DNAAF5: variants seen among roughly 807,000 people sequenced by gnomAD.
DNAAF5 encodes the protein dynein axonemal assembly factor 5, also known as HEAT repeat containing 2.
A neutral mutation model predicts 75.8 loss-of-function variants in DNAAF5; 64 were observed. The ratio of observed to expected loss-of-function variants is 0.84; its 90% CI spans 0.69 to 1.04. The LOEUF is 1.04. Ranked by LOEUF, DNAAF5 falls within the 50% of genes least tolerant of loss-of-function variation. DNAAF5 has a pLI of 0.00. For missense variants in DNAAF5, 1,269 were observed against 1,178.5 expected, an observed-to-expected ratio of 1.08 and a Z score of -1.12; for synonymous variants, 657 against 557.2, an observed-to-expected ratio of 1.18 and a Z score of -2.52.
chr7:766,579 T>C (rs944608051), intron 8 of DNAAF5, among the ~76,000 whole-genome samples: 1 of 152,206 alleles, frequency 6.6e-6, no homozygotes, highest in Non-Finnish European at 1.5e-5. Flanking sequence ...AGGATGACAG[T>C]GTGAGATCTT....
At chr7:776,438 A>C (rs1314078464) in intron 11 of DNAAF5, among the ~76,000 whole-genome samples, 5 of 152,240 alleles carry the variant, frequency 3.3e-5, no homozygotes, top group African/African-American at 9.6e-5. Flanking sequence ...ATTAAACGGC[A>C]CAGCAAGAAG....
intron 4 of DNAAF5, among the ~76,000 whole-genome samples, chr7:742,313 C>T (rs1421251055): frequency 6.6e-6 from 1 of 152,162 alleles, no homozygotes; most frequent in Non-Finnish European, 1.5e-5. Flanking sequence ...CAGCCCAAAT[C>T]AGATGCCCAG....
At chr7:734,066 A>G (rs1385809410) in intron 2 of DNAAF5, among the ~76,000 whole-genome samples, 1 of 152,170 alleles carries the variant, frequency 6.6e-6, no homozygotes, top group Admixed American at 6.5e-5. Context: ...AAGAATAATT[A>G]TCTTCCTTTT....
At chr7:732,238 T>G (rs1781608277) in intron 2 of DNAAF5, among the ~76,000 whole-genome samples, 1 of 152,220 alleles carries the variant, frequency 6.6e-6, no homozygotes, top group Non-Finnish European at 1.5e-5. Context: ...CGGCAGGGGC[T>G]AATGCATCTC....
chr7:771,890 A>G (rs1745074430), intron 9 of DNAAF5: 1 of 152,260 alleles, frequency 6.6e-6, no homozygotes, highest in Admixed American at 6.5e-5. Context: ...GTTGGCGTCA[A>G]GAGAAGTAAA....
intron 4 of DNAAF5, among the ~76,000 whole-genome samples, chr7:742,170 G>A (rs1781931239): frequency 6.6e-6 from 1 of 152,192 alleles, no homozygotes; most frequent in Admixed American, 6.5e-5. Flanking sequence ...GCGGGGCTGA[G>A]TGTCTTCCAC....
intron 4 of DNAAF5, among the ~76,000 whole-genome samples, chr7:743,828 T>A (rs1214902757): frequency 2.0e-5 from 3 of 151,344 alleles, no homozygotes; most frequent in Non-Finnish European, 4.4e-5. Context: ...ATTTTTAGTT[T>A]ATATTTATTT....
rs4725241 is a variant in DNAAF5, at chr7:757,246, C to T, written c.1470+252C>T. On this transcript the variant is annotated intron_variant, in intron 6 of 12. Coordinates refer to ENST00000297440, the MANE Select transcript of DNAAF5 (RefSeq NM_017802.4). Reference sequence around the variant, plus strand: ...CCTGGGCTGTGCAGAGCTCCAGCCCCAGCCCCAGCCCCAGCTGCAGGCGGC... The same window carrying T: ...CCTGGGCTGTGCAGAGCTCCAGCCCTAGCCCCAGCCCCAGCTGCAGGCGGC... Among the ~76,000 whole-genome samples, 120,640 of 152,228 alleles carry T rather than the reference C, an allele frequency of 0.79. 47,972 individuals are homozygous for T. The highest frequency in any genetic ancestry group is 0.86 in the South Asian group (4,142 of 4,828).
chr7:784,033 AC>A (rs1562405779), intron 12 of DNAAF5, among the ~76,000 whole-genome samples: 47 of 101,486 alleles, frequency 4.6e-4, no homozygotes, highest in Admixed American at 1.6e-3. Context: ...CACCTCCCCC[AC>A]CTCCCCCACC....
At chr7:770,933 G>A (rs1460482402) in intron 9 of DNAAF5, 6 of 235,704 alleles carry the variant, frequency 2.5e-5, no homozygotes, top group Non-Finnish European at 4.9e-5. Context: ...AACTGGCCTG[G>A]AAGCAGCTAG....
chr7:757,504 C>G (rs1435733673), intron 6 of DNAAF5, among the ~76,000 whole-genome samples: 1 of 152,264 alleles, frequency 6.6e-6, no homozygotes, highest in Admixed American at 6.5e-5. Context: ...ACAGCCTGTT[C>G]CCCATCAGCC....
chr7:744,167 C>T (rs1256851758), intron 4 of DNAAF5, among the ~76,000 whole-genome samples: 1 of 152,064 alleles, frequency 6.6e-6, no homozygotes, highest in Non-Finnish European at 1.5e-5. Flanking sequence ...TCAATTCCCA[C>T]CTATGAGTGA....
At chr7:744,313 C>T (rs1405028660) in intron 4 of DNAAF5, among the ~76,000 whole-genome samples, 2 of 152,244 alleles carry the variant, frequency 1.3e-5, no homozygotes, top group African/African-American at 4.8e-5. Flanking sequence ...TGTATATGTA[C>T]CACGTTTTCT....
In DNAAF5 at chr7:740,957, C is replaced by T. The variant is rs559335413; in HGVS notation, c.905+14C>T. The T allele has an allele frequency of 2.4e-5, 39 of 1,610,778 alleles. No homozygotes were observed. The highest frequency in any genetic ancestry group is 2.1e-4 in the African/African-American group (16 of 75,048). On this transcript the variant is annotated intron_variant, in intron 3 of 12. Coordinates refer to ENST00000297440, the MANE Select transcript of DNAAF5 (RefSeq NM_017802.4). ...GCCTGAGGTCAGGTACGTGGGCAGGCGGCCGCGGGCCTTGTCTTCCTAAAC... is the reference window on the plus strand; with the variant it reads ...GCCTGAGGTCAGGTACGTGGGCAGGTGGCCGCGGGCCTTGTCTTCCTAAAC...
At position 770,618 on chromosome 7, in the gene DNAAF5, G is replaced by A. The variant is rs1474459920; in HGVS notation, c.1931G>A (p.Gly644Glu). 4 of 1,613,058 alleles carry A rather than the reference G, an allele frequency of 2.5e-6. No homozygotes were observed. The highest frequency in any genetic ancestry group is 3.4e-6 in the Non-Finnish European group (4 of 1,179,822). The change falls in exon 9 of 13, where the codon GGG becomes GAG. Residue 644 changes from glycine to glutamate, a missense_variant and splice_region_variant. By Grantham distance (98) the Gly-to-Glu change is moderately conservative (BLOSUM62 -2). Coordinates refer to ENST00000297440, the MANE Select transcript of DNAAF5 (RefSeq NM_017802.4). Reference protein sequence around the residue: ...LRATDTINSQGQFPSYLETVT... With the variant: ...LRATDTINSQEQFPSYLETVT... ...GCCACGGACACCATCAACTCCCAGG[G>A]GTAGGTCCGGGCTCTGCCTCTGCAC...
chr7:774,962 C>G, intron 10 of DNAAF5, 44 bp from the exon 11 acceptor site: 4 of 1,605,484 alleles, frequency 2.5e-6, no homozygotes, highest in Non-Finnish European at 3.4e-6. Flanking sequence ...CCACCCCACC[C>G]CAGGACAGAT....
intron 2 of DNAAF5, among the ~76,000 whole-genome samples, chr7:739,296 G>A (rs1055574516): frequency 7.9e-5 from 12 of 152,240 alleles, no homozygotes; most frequent in African/African-American, 1.4e-4. Context: ...GGAGTTTGCC[G>A]CTCACCTGGA....
intron 4 of DNAAF5, among the ~76,000 whole-genome samples, chr7:751,932 C>A (rs1782309613): frequency 6.6e-6 from 1 of 151,986 alleles, no homozygotes; most frequent in African/African-American, 2.4e-5. Flanking sequence ...CTGTAGAAAT[C>A]GACAAACTGA....
chr7:780,249 G>C (rs1778892400), intron 12 of DNAAF5, 105 bp downstream of exon 12: 4 of 1,065,412 alleles, frequency 3.8e-6, no homozygotes, highest in Non-Finnish European at 4.1e-6. Context: ...CTGGGGCACA[G>C]GAGGGGCCTC....
Sources: gnomAD v4.1 joint callset for allele counts (sites outside exome capture counted in the v4.1 genomes callset) on GRCh38, gnomAD v4.1.1 for gene constraint, MANE v1.5 for transcripts, NCBI Gene and HGNC (gene_info 2026-07-23, HGNC 2026-07-21) for gene names.